MRTFB: variants seen among roughly 807,000 people sequenced by gnomAD.
MRTFB encodes myocardin related transcription factor B.
In MRTFB, 29 loss-of-function variants were observed where a neutral mutation model predicts 104.2. The observed-to-expected ratio is 0.28, with a 90% CI of 0.21 to 0.38. MRTFB has a LOEUF of 0.38. Among genes scored for constraint, MRTFB ranks in the 10% least tolerant of loss-of-function variants. The probability of loss-of-function intolerance (pLI) is 1.00; values close to 1 mark genes in which losing one functional copy is unlikely to be tolerated. For missense variants in MRTFB, 1,270 were observed against 1,341.6 expected (o/e 0.95, Z 0.83); for synonymous variants, 535 against 519.5 (o/e 1.03, Z -0.41).
intron 2 of MRTFB, among the ~76,000 whole-genome samples, chr16:14,132,175 A>G (rs1268930661): frequency 6.6e-6 from 1 of 152,248 alleles, no homozygotes; most frequent in African/African-American, 2.4e-5. Context: ...AAATACACAC[A>G]AAAGGCCACA....
chr16:14,179,401 C>T (rs563364464), intron 3 of MRTFB, among the ~76,000 whole-genome samples: 24 of 152,300 alleles, frequency 1.6e-4, no homozygotes, highest in African/African-American at 5.3e-4. Flanking sequence ...GGCTTTGTTA[C>T]TGTGTGGCAA....
the MRTFB span, among the ~76,000 whole-genome samples, chr16:14,014,098 CCTCTCCCCTA>C: frequency 1.3e-5 from 2 of 152,214 alleles, no homozygotes; most frequent in African/African-American, 4.8e-5. Context: ...GCCCTCCCCT[CCTCTCCCCTA>C]GGGCCAAGAA....
intron 3 of MRTFB, chr16:14,143,584 A>G (rs945840893): frequency 6.6e-6 from 1 of 150,984 alleles, no homozygotes; most frequent in Non-Finnish European, 1.5e-5. Flanking sequence ...ATATGTATAC[A>G]TGCGCCATGT....
chr16:14,027,796 G>C, the MRTFB span, among the ~76,000 whole-genome samples: 1 of 152,166 alleles, frequency 6.6e-6, no homozygotes, highest in African/African-American at 2.4e-5. Flanking sequence ...CCATGAGAAG[G>C]GGTGAAGTAT....
chr16:14,119,019 G>A (rs772953827), intron 2 of MRTFB, among the ~76,000 whole-genome samples: 1 of 152,122 alleles, frequency 6.6e-6, no homozygotes, highest in South Asian at 2.1e-4. Context: ...TCAACATTGT[G>A]GTATGTGTCT....
intron 2 of MRTFB, among the ~76,000 whole-genome samples, chr16:14,102,731 T>C (rs2035765801): frequency 1.3e-5 from 2 of 152,250 alleles, no homozygotes; most frequent in African/African-American, 4.8e-5. Context: ...AAACTTTCTG[T>C]GTCCAGCAAA....
At chr16:14,220,919 C>T (rs1371845871) in intron 8 of MRTFB, among the ~76,000 whole-genome samples, 2 of 152,172 alleles carry the variant, frequency 1.3e-5, no homozygotes, top group African/African-American at 2.4e-5. Context: ...TCCTATGTGC[C>T]TTGAGACCTC....
At position 14,261,634 on chromosome 16, in the gene MRTFB, T is replaced by C. The variant is rs2043782957; in HGVS notation, c.*190T>C. ...TTCATTGTGTTCAGTAGTGAATTTC[T>C]ACAGTTTAACATAGCACAGGGCCTT... is the stretch of plus-strand genomic sequence containing the variant. On this transcript the variant is annotated 3_prime_UTR_variant, in exon 17 of 17. Coordinates refer to ENST00000571589, the MANE Select transcript of MRTFB (RefSeq NM_001308142.2). The C allele has an allele frequency of 6.7e-6, 4 of 601,044 alleles. No individual in the cohort carries two copies. The allele number at this position is 601,044 out of a possible 1,614,324, so 37.2% of individuals were successfully genotyped here.
At chr16:14,209,332 A>G (rs1230201503) in intron 3 of MRTFB, among the ~76,000 whole-genome samples, 5 of 152,232 alleles carry the variant, frequency 3.3e-5, no homozygotes, top group African/African-American at 4.8e-5. Flanking sequence ...CAGACTCTTA[A>G]TCACTCTAAT....
At chr16:14,240,940 C>T in intron 10 of MRTFB, 1 of 606,138 alleles carries the variant, frequency 1.6e-6, no homozygotes, top group East Asian at 2.7e-5. Flanking sequence ...CAGGGGAATG[C>T]TGTGAGCACT....
intron 2 of MRTFB, among the ~76,000 whole-genome samples, chr16:14,080,457 AC>A (rs2034329459): frequency 6.6e-6 from 1 of 152,194 alleles, no homozygotes. Context: ...ATTATGCGTT[AC>A]CTCACATAGT....
At chr16:14,001,797 C>T in the MRTFB span, among the ~76,000 whole-genome samples, 1 of 152,216 alleles carries the variant, frequency 6.6e-6, no homozygotes, top group Non-Finnish European at 1.5e-5. Context: ...AGACCAGAAC[C>T]TTCCCCAAGC....
intron 13 of MRTFB, among the ~76,000 whole-genome samples, chr16:14,251,401 A>G (rs2043250687): frequency 6.8e-6 from 1 of 148,120 alleles, no homozygotes; most frequent in African/African-American, 2.5e-5. Context: ...AAAAAAAAAG[A>G]CTTGAGAGTA....
chr16:14,146,974 C>T (rs1336364029), intron 3 of MRTFB, among the ~76,000 whole-genome samples: 1 of 151,704 alleles, frequency 6.6e-6, no homozygotes, highest in Non-Finnish European at 1.5e-5. Context: ...ATAGCCAAGA[C>T]AGAGCTGTGG....
At chr16:14,245,026 C>A (rs563896158) in intron 10 of MRTFB, among the ~76,000 whole-genome samples, 3 of 152,164 alleles carry the variant, frequency 2.0e-5, no homozygotes, top group African/African-American at 4.8e-5. Flanking sequence ...AGTCAAGAGC[C>A]ATGTTTTTTT....
chr16:14,038,480 G>A, the MRTFB span, among the ~76,000 whole-genome samples: 51 of 152,220 alleles, frequency 3.4e-4, no homozygotes, highest in African/African-American at 1.2e-3. Context: ...CACAGAAACA[G>A]GTCTTGAGGA....
At chr16:14,247,843 T>C in intron 12 of MRTFB, 1 of 234,670 alleles carries the variant, frequency 4.3e-6, no homozygotes, top group Non-Finnish European at 8.3e-6. Context: ...CAGCATCTAG[T>C]ACTTTAAATG....
At chr16:14,155,364 C>G (rs947243661) in intron 3 of MRTFB, among the ~76,000 whole-genome samples, 2 of 151,868 alleles carry the variant, frequency 1.3e-5, no homozygotes, top group African/African-American at 4.8e-5. Flanking sequence ...GTTTTAAATA[C>G]TTGTATATAG....
intron 3 of MRTFB, among the ~76,000 whole-genome samples, chr16:14,199,257 G>T (rs1480560240): frequency 6.6e-6 from 1 of 152,140 alleles, no homozygotes; most frequent in Non-Finnish European, 1.5e-5. Context: ...GCCTTCCTTT[G>T]TTGGATCTTC....
Sources: gnomAD v4.1 joint callset for allele counts (sites outside exome capture counted in the v4.1 genomes callset) on GRCh38, gnomAD v4.1.1 for gene constraint, MANE v1.5 for transcripts, NCBI Gene and HGNC (gene_info 2026-07-23, HGNC 2026-07-21) for gene names.